DLG1: variants seen among roughly 807,000 people sequenced by gnomAD.
DLG1 encodes disks large homolog 1.
Under a neutral mutation model 123.4 loss-of-function variants are expected in DLG1, and 42 were observed. The observed-to-expected ratio is 0.34, with a 90% CI of 0.27 to 0.44. DLG1 has a LOEUF of 0.44. DLG1 is among the 20% of genes least tolerant of loss of function. The pLI is 1.00. For synonymous variants in DLG1, 317 were observed against 356.2 expected (o/e 0.89, Z 1.24); for missense variants, 942 against 1,082.6 (o/e 0.87, Z 1.82).
At chr3:197,159,787 G>A (rs1034807283) in intron 5 of DLG1, among the ~76,000 whole-genome samples, 3 of 152,090 alleles carry the variant, frequency 2.0e-5, no homozygotes, top group African/African-American at 4.8e-5. Context: ...ATGAACTTCC[G>A]TAGTGTATTT....
At chr3:197,076,355 A>G (rs1035917180) in intron 18 of DLG1, among the ~76,000 whole-genome samples, 1 of 152,204 alleles carries the variant, frequency 6.6e-6, no homozygotes, top group Non-Finnish European at 1.5e-5. Flanking sequence ...TATATGTTCA[A>G]GTTATAAACA....
At chr3:197,239,843 T>A (rs375507276) in intron 4 of DLG1, among the ~76,000 whole-genome samples, 2 of 133,980 alleles carry the variant, frequency 1.5e-5, no homozygotes, top group Non-Finnish European at 1.6e-5. Flanking sequence ...ACAGAAAAGT[T>A]AAAAAAAAAA....
intron 23 of DLG1, among the ~76,000 whole-genome samples, chr3:197,058,115 A>G (rs1733101130): frequency 6.6e-6 from 1 of 151,916 alleles, no homozygotes. Flanking sequence ...AGTAGCTGAG[A>G]CCACAGGCGC....
At chr3:197,263,547 G>A (rs1760401092) in intron 4 of DLG1, among the ~76,000 whole-genome samples, 1 of 152,204 alleles carries the variant, frequency 6.6e-6, no homozygotes, top group South Asian at 2.1e-4. Flanking sequence ...AGCACTTTGG[G>A]AGGCCAAGGT....
chr3:197,168,449 C>A (rs1802479716), intron 5 of DLG1, among the ~76,000 whole-genome samples: 1 of 152,154 alleles, frequency 6.6e-6, no homozygotes, highest in South Asian at 2.1e-4. Flanking sequence ...CAAATGAAGG[C>A]TGACTGATGA....
intron 4 of DLG1, among the ~76,000 whole-genome samples, chr3:197,219,566 C>G (rs747340400): frequency 7.9e-5 from 12 of 152,186 alleles, no homozygotes; most frequent in Non-Finnish European, 1.5e-4. Flanking sequence ...CCGCCCTCCC[C>G]ACCAAAATTC....
At chr3:197,246,487 T>C (rs983657491) in intron 4 of DLG1, among the ~76,000 whole-genome samples, 3 of 152,162 alleles carry the variant, frequency 2.0e-5, no homozygotes, top group Non-Finnish European at 4.4e-5. Flanking sequence ...TGTCCTAACC[T>C]GAAGGGGTGT....
At chr3:197,062,002 C>T (rs113758741) in intron 22 of DLG1, among the ~76,000 whole-genome samples, 15 of 152,280 alleles carry the variant, frequency 9.9e-5, no homozygotes, top group African/African-American at 3.6e-4. Flanking sequence ...ATGCGGTTTT[C>T]AAAAGATTTT....
intron 16 of DLG1, 67 bp downstream of exon 16, chr3:197,085,513 A>G: frequency 2.6e-6 from 4 of 1,550,706 alleles, no homozygotes; most frequent in Non-Finnish European, 3.5e-6. Flanking sequence ...TCACAAATTA[A>G]AAAAAATTTA....
intron 15 of DLG1, among the ~76,000 whole-genome samples, chr3:197,087,283 T>C (rs1164700155): frequency 6.6e-6 from 1 of 152,192 alleles, no homozygotes; most frequent in Non-Finnish European, 1.5e-5. Context: ...ATGTTTTTGC[T>C]TGTTTCAGAG....
intron 6 of DLG1, among the ~76,000 whole-genome samples, chr3:197,147,058 T>A (rs1319979468): frequency 6.6e-6 from 1 of 152,030 alleles, no homozygotes; most frequent in Non-Finnish European, 1.5e-5. Flanking sequence ...TCAACATCAC[T>A]ATCGGGAAAA....
chr3:197,220,656 A>AC (rs1054324471), intron 4 of DLG1, among the ~76,000 whole-genome samples: 5 of 145,698 alleles, frequency 3.4e-5, no homozygotes, highest in South Asian at 4.2e-4. Context: ...TTTTCTTTGT[A>AC]CCCCACCTAT....
intron 4 of DLG1, among the ~76,000 whole-genome samples, chr3:197,258,041 A>G (rs1757614807): frequency 2.0e-5 from 3 of 152,244 alleles, no homozygotes; most frequent in Non-Finnish European, 4.4e-5. Flanking sequence ...CAAGCTGATT[A>G]AAGTACATAA....
At position 197,174,275 on chromosome 3, in the gene DLG1, T is replaced by C. The variant is rs558142561; in HGVS notation, c.483+20150A>G. Among the ~76,000 whole-genome samples, 202 of 152,296 alleles carry C rather than the reference T, an allele frequency of 1.3e-3. 1 individual carries two copies. The highest frequency in any genetic ancestry group is 4.6e-3 in the African/African-American group (192 of 41,556). ...TTTTACTAACTATAAATGGTTTAAT[T>C]CTGTTGCAATTCTTAGTCTACAATA... On this transcript the variant is annotated intron_variant, in intron 5 of 24. Transcript: ENST00000667157.
chr3:197,297,233 C>T lies in DLG1; in HGVS notation c.-29G>A. ...TCTCCAGAATCAGGAAGAGGGCACA[C>T]ACCTTTAAAACACACAACGGAAAGG... On this transcript the variant is annotated splice_region_variant and 5_prime_UTR_variant, in exon 2 of 25. The change creates a new upstream start codon in the 5' untranslated region. Coordinates refer to ENST00000667157, the MANE Select transcript of DLG1 (RefSeq NM_001366207.1). 6.2e-7 allele frequency: 1 copy of T among 1,614,016 alleles called. No homozygotes were observed. Among genetic ancestry groups the T allele is most frequent in the Non-Finnish European group, 8.5e-7 (1 of 1,180,012 alleles).
At chr3:197,249,948 C>T (rs1457873441) in intron 4 of DLG1, among the ~76,000 whole-genome samples, 65 of 152,162 alleles carry the variant, frequency 4.3e-4, no homozygotes, top group Non-Finnish European at 4.4e-5. Context: ...AAACCCACAG[C>T]TAACATCATA....
chr3:197,102,184 G>T (rs1763849896), intron 14 of DLG1, among the ~76,000 whole-genome samples: 1 of 152,186 alleles, frequency 6.6e-6, no homozygotes, highest in African/African-American at 2.4e-5. Flanking sequence ...GTCTTGTAGA[G>T]ATTATTTTTT....
At chr3:197,208,071 C>T (rs1265316598) in intron 4 of DLG1, among the ~76,000 whole-genome samples, 1 of 143,820 alleles carries the variant, frequency 7.0e-6, no homozygotes, top group Non-Finnish European at 1.6e-5. Context: ...CCCTCCAGCC[C>T]TCTCTCTAAT....
intron 14 of DLG1, among the ~76,000 whole-genome samples, chr3:197,095,475 G>C (rs1216903462): frequency 6.6e-6 from 1 of 151,914 alleles, no homozygotes; most frequent in African/African-American, 2.4e-5. Flanking sequence ...TTGTTTTGTA[G>C]AATCTCTCTC....
Sources: gnomAD v4.1 joint callset for allele counts (sites outside exome capture counted in the v4.1 genomes callset) on GRCh38, gnomAD v4.1.1 for gene constraint, MANE v1.5 for transcripts, NCBI Gene and HGNC (gene_info 2026-07-23, HGNC 2026-07-21) for gene names.